CENPP: variants seen among roughly 807,000 people sequenced by gnomAD.
CENPP encodes the protein centromere protein P.
CENPP carries 24 observed loss-of-function variants against 35.6 expected under a neutral mutation model. That is an observed-to-expected ratio of 0.67 (90% confidence interval 0.49 to 0.95). The LOEUF is 0.95. CENPP is among the 40% of genes least tolerant of loss of function. The probability of loss-of-function intolerance (pLI) is 0.00; values close to 1 mark genes in which losing one functional copy is unlikely to be tolerated. For missense variants in CENPP, 332 were observed against 345.3 expected, an observed-to-expected ratio of 0.96 and a Z score of 0.31; for synonymous variants, 120 against 125.5, an observed-to-expected ratio of 0.96 and a Z score of 0.29.
intron 5 of CENPP, chr9:92,474,592 T>C: frequency 6.3e-7 from 1 of 1,588,040 alleles, no homozygotes; most frequent in Non-Finnish European, 8.5e-7. Flanking sequence ...AGCATTACTA[T>C]TCTTCAAAAC....
chr9:92,546,206 C>G (rs1457668993), intron 5 of CENPP, among the ~76,000 whole-genome samples: 1 of 152,146 alleles, frequency 6.6e-6, no homozygotes, highest in African/African-American at 2.4e-5. Flanking sequence ...CAAAACGGAC[C>G]AATCAGCTCT....
chr9:92,555,635 G>A (rs1849708687), intron 5 of CENPP, among the ~76,000 whole-genome samples: 1 of 152,030 alleles, frequency 6.6e-6, no homozygotes, highest in Non-Finnish European at 1.5e-5. Context: ...TATTTTTCCA[G>A]GAACTTATTC....
chr9:92,588,396 C>T lies in CENPP; in HGVS notation c.565-22918C>T, dbSNP rs181734282. On this transcript the variant is annotated intron_variant, in intron 5 of 7. Transcript: ENST00000375587. Reference sequence around the variant, plus strand: ...CCGAGTAGCTGGGACTACAGACGCCCGGCACCACACCCGGCTAATTTTTTG... The same window carrying T: ...CCGAGTAGCTGGGACTACAGACGCCTGGCACCACACCCGGCTAATTTTTTG... Among the ~76,000 whole-genome samples the T allele has an allele frequency of 2.6e-4, 39 of 151,318 alleles. No homozygotes were observed. The East Asian group carries it at 6.6e-3, about 26-fold the overall frequency.
At chr9:92,536,869 A>ACT (rs1849188056) in intron 5 of CENPP, among the ~76,000 whole-genome samples, 3 of 141,530 alleles carry the variant, frequency 2.1e-5, no homozygotes, top group Admixed American at 1.4e-4. Context: ...TATTTTTTAA[A>ACT]TTTTTTTTTT....
chr9:92,522,049 T>G (rs1164416037), intron 5 of CENPP, among the ~76,000 whole-genome samples: 1 of 152,070 alleles, frequency 6.6e-6, no homozygotes, highest in Non-Finnish European at 1.5e-5. Flanking sequence ...CTTAAGTTGT[T>G]TTTGGTTTTT....
chr9:92,426,132 G>T (rs1191220503), intron 5 of CENPP, among the ~76,000 whole-genome samples: 3 of 152,148 alleles, frequency 2.0e-5, no homozygotes, highest in African/African-American at 4.8e-5. Flanking sequence ...CAAGGGATGG[G>T]GATGGGGGGA....
intron 4 of CENPP, among the ~76,000 whole-genome samples, chr9:92,369,989 C>A (rs1272396700): frequency 6.6e-6 from 1 of 152,042 alleles, no homozygotes; most frequent in East Asian, 1.9e-4. Context: ...GAGGTATGTG[C>A]CCTCCATGCT....
intron 5 of CENPP, among the ~76,000 whole-genome samples, chr9:92,556,719 T>G (rs1355677336): frequency 6.6e-6 from 1 of 152,218 alleles, no homozygotes; most frequent in Admixed American, 6.5e-5. Context: ...TAAGTGTATG[T>G]GAGTCCTTAT....
chr9:92,417,799 A>G (rs1457099739), intron 5 of CENPP, among the ~76,000 whole-genome samples: 1 of 152,002 alleles, frequency 6.6e-6, no homozygotes, highest in Admixed American at 6.6e-5. Context: ...GCTCACTGCA[A>G]CTTCTGCCTC....
At chr9:92,411,979 ATCTTC>A (rs1843455993) in intron 5 of CENPP, among the ~76,000 whole-genome samples, 1 of 152,078 alleles carries the variant, frequency 6.6e-6, no homozygotes, top group Non-Finnish European at 1.5e-5. Flanking sequence ...GAGTTGTTTG[ATCTTC>A]TCTTTATTAA....
chr9:92,587,140 G>A (rs936810838), intron 5 of CENPP, among the ~76,000 whole-genome samples: 1 of 152,084 alleles, frequency 6.6e-6, no homozygotes, highest in South Asian at 2.1e-4. Context: ...AACAAAGTAT[G>A]AACAAAATGA....
chr9:92,370,597 C>T (rs1323474626), intron 4 of CENPP, among the ~76,000 whole-genome samples: 1 of 152,140 alleles, frequency 6.6e-6, no homozygotes, highest in Non-Finnish European at 1.5e-5. Context: ...TCTCCTGCCT[C>T]AGCCTCCCAA....
At chr9:92,373,405 T>C (rs1216088794) in intron 4 of CENPP, among the ~76,000 whole-genome samples, 2 of 152,202 alleles carry the variant, frequency 1.3e-5, no homozygotes, top group African/African-American at 4.8e-5. Context: ...TTTCTTCAGT[T>C]CCAGAATTTG....
chr9:92,390,346 A>G (rs1164139099), intron 5 of CENPP, among the ~76,000 whole-genome samples: 1 of 152,244 alleles, frequency 6.6e-6, no homozygotes, highest in Non-Finnish European at 1.5e-5. Context: ...TGGGATGGTC[A>G]GGCAGTTTGA....
At chr9:92,444,770 G>A (rs1844509086) in intron 5 of CENPP, among the ~76,000 whole-genome samples, 1 of 152,188 alleles carries the variant, frequency 6.6e-6, no homozygotes, top group Non-Finnish European at 1.5e-5. Context: ...CTGCAGTGGG[G>A]AGAGGGCGTG....
intron 5 of CENPP, among the ~76,000 whole-genome samples, chr9:92,458,546 T>C (rs964798436): frequency 6.6e-6 from 1 of 152,246 alleles, no homozygotes; most frequent in Non-Finnish European, 1.5e-5. Context: ...GAAAACCTGC[T>C]GGACATCAGT....
chr9:92,349,080 C>G (rs982413265), intron 4 of CENPP, among the ~76,000 whole-genome samples: 1 of 152,160 alleles, frequency 6.6e-6, no homozygotes, highest in Non-Finnish European at 1.5e-5. Context: ...ACTCTAATGA[C>G]ACATATGTTA....
intron 5 of CENPP, among the ~76,000 whole-genome samples, chr9:92,380,253 C>T (rs1437642590): frequency 6.6e-6 from 1 of 152,174 alleles, no homozygotes; most frequent in African/African-American, 2.4e-5. Flanking sequence ...TTGTGCATTT[C>T]GAGTTTAAAT....
In CENPP at chr9:92,613,034, A is replaced by G. The variant is rs1455492452; in HGVS notation, c.752A>G (p.Lys251Arg). Residue 251 changes from lysine to arginine, a missense_variant, in exon 8 of 8, where the codon AAG becomes AGG. Lys to Arg is a conservative substitution (Grantham distance 26). Transcript: ENST00000375587. ...TTCTTTATAGCCCTGGAGCTGGACAAGAACAGAGCCATAGAAACTGCTCCT... is the reference window on the plus strand; with the variant it reads ...TTCTTTATAGCCCTGGAGCTGGACAGGAACAGAGCCATAGAAACTGCTCCT... ...KVPQRALELD[K>R]NRAIETAPLS... is the part of the protein sequence containing the mutation. The G allele has an allele frequency of 1.2e-6, 2 of 1,614,076 alleles. No individual in the cohort carries two copies. The highest frequency in any genetic ancestry group is 2.7e-5 in the African/African-American group (2 of 74,938).
Sources: allele counts gnomAD v4.1 joint callset (sites outside exome capture counted in the v4.1 genomes callset), GRCh38; gene constraint gnomAD v4.1.1; transcripts MANE v1.5; gene names NCBI Gene and HGNC (gene_info 2026-07-23, HGNC 2026-07-21).